The following ATP1A4 variants were observed in gnomAD, a reference collection of about 807,000 sequenced individuals.
ATP1A4 encodes the protein sodium/potassium-transporting ATPase subunit alpha-4.
Under a neutral mutation model 114.3 loss-of-function variants are expected in ATP1A4, and 90 were observed. The ratio of observed to expected loss-of-function variants is 0.79; its 90% CI spans 0.66 to 0.94. The LOEUF (loss-of-function observed/expected upper bound fraction) is 0.94, where lower values mean the gene tolerates loss of function less well. Among genes scored for constraint, ATP1A4 ranks in the 40% least tolerant of loss-of-function variants. The pLI is 0.00. For synonymous variants in ATP1A4, 511 were observed against 494.1 expected, an observed-to-expected ratio of 1.03 and a Z score of -0.45; for missense variants, 1,222 against 1,313.6, an observed-to-expected ratio of 0.93 and a Z score of 1.08.
chr1:160,171,101 C>T, intron 10 of ATP1A4, 150 bp from the exon 11 acceptor site: 5 of 664,238 alleles, frequency 7.5e-6, no homozygotes, highest in Non-Finnish European at 1.3e-5. Context: ...CTGGGTTCAA[C>T]CTGGGGCGAG....
intron 18 of ATP1A4, among the ~76,000 whole-genome samples, chr1:160,181,375 A>C (rs1387914906): frequency 6.6e-6 from 1 of 152,002 alleles, no homozygotes; most frequent in East Asian, 1.9e-4. Context: ...CAATATGGTG[A>C]AACCCCGTCT....
chr1:160,157,986 T>G (rs1652727343), intron 4 of ATP1A4, among the ~76,000 whole-genome samples: 1 of 152,220 alleles, frequency 6.6e-6, no homozygotes, highest in Non-Finnish European at 1.5e-5. Flanking sequence ...GTTCCAGTAG[T>G]ATAGCCCAGG....
At position 160,173,026 on chromosome 1, in the gene ATP1A4, T is replaced by C. The variant is rs115003188; in HGVS notation, c.1855-555T>C. 2.9e-3 allele frequency among the ~76,000 whole-genome samples: 444 copies of C among 152,278 alleles called. 2 individuals carry two copies. The highest frequency in any genetic ancestry group is 9.9e-3 in the African/African-American group (411 of 41,540). On this transcript the variant is annotated intron_variant, in intron 12 of 21. Transcript: ENST00000368081. ...GAGAAGTGTGGCAAGTGCTGAAATA[T>C]GGCAGGAACGGAATGCTGTGAAAGC...
intron 20 of ATP1A4, among the ~76,000 whole-genome samples, chr1:160,184,421 C>T (rs1462803491): frequency 6.6e-6 from 1 of 152,044 alleles, no homozygotes; most frequent in Non-Finnish European, 1.5e-5. Context: ...GCGGTGCACA[C>T]TGACGGTCCC....
intron 18 of ATP1A4, 130 bp downstream of exon 18, chr1:160,177,794 A>C (rs903163950): frequency 9.8e-7 from 1 of 1,016,464 alleles, no homozygotes; most frequent in Non-Finnish European, 1.4e-6. Context: ...CCTTTTCTTC[A>C]GTCCTGTATG....
In ATP1A4 at chr1:160,152,044, G is replaced by A; in HGVS notation, c.4G>A (p.Gly2Arg). M[G>R]LWGKKGTVAP... Reference sequence around the variant, plus strand: ...GCAGCTCTTTCTGGGGATAGCTATGGGGCTTTGGGGGAAGAAAGGGACAGT... The same window carrying A: ...GCAGCTCTTTCTGGGGATAGCTATGAGGCTTTGGGGGAAGAAAGGGACAGT... The change falls in exon 1 of 22, where the codon GGG becomes AGG. Residue 2 changes from glycine (G) to arginine (R), a missense_variant. Transcript: ENST00000368081. 1 of 1,612,694 alleles carries A rather than the reference G, an allele frequency of 6.2e-7. No individual in the cohort carries two copies. The highest frequency in any genetic ancestry group is 8.5e-7 in the Non-Finnish European group (1 of 1,179,480).
Position 160,159,254 on chromosome 1 carries a change from G to A in ATP1A4, c.660+118G>A. ...CTCAGAATCTTGAGAAGTTACAAGT[G>A]CAGATTTGATGTTAGAGACAACAGA... On this transcript the variant is annotated intron_variant, in intron 5 of 21. Transcript: ENST00000368081. 2.8e-6 allele frequency: 4 copies of A among 1,452,320 alleles called. No homozygotes were observed. The South Asian group carries it at 5.3e-5, about 19-fold the overall frequency. 90.0% of individuals were successfully genotyped at this position (1,452,320 alleles called of 1,614,324 possible).
Position 160,181,765 on chromosome 1 carries a change from C to T in ATP1A4, c.2818C>T (p.Leu940Phe). 1.9e-6 allele frequency: 3 copies of T among 1,613,954 alleles called. No homozygotes were observed. Among genetic ancestry groups the T allele is most frequent in the Non-Finnish European group, 2.5e-6 (3 of 1,179,992 alleles). Reference protein sequence around the residue: ...VTIVVVQWADLIISKTRRNSL... With the variant: ...VTIVVVQWADFIISKTRRNSL... ...CATCGTGGTTGTGCAGTGGGCGGAT[C>T]TCATCATCTCCAAGACTCGCCGCAA... The change falls in exon 19 of 22, where the codon CTC becomes TTC. Residue 940 changes from leucine (L) to phenylalanine (F), a missense_variant. By Grantham distance (22) the Leu-to-Phe change is conservative. Coordinates refer to ENST00000368081, the MANE Select transcript of ATP1A4 (RefSeq NM_144699.4).
chr1:160,161,382 T>A (rs1054902063), intron 6 of ATP1A4, among the ~76,000 whole-genome samples: 4 of 152,214 alleles, frequency 2.6e-5, no homozygotes, highest in Non-Finnish European at 5.9e-5. Flanking sequence ...GAGCCCAAGC[T>A]ATTTCTCTGG....
chr1:160,174,646 G>C lies in ATP1A4; in HGVS notation c.2210G>C (p.Gly737Ala), dbSNP rs773006756. 1.7e-5 allele frequency: 27 copies of C among 1,614,086 alleles called. No individual in the cohort carries two copies. Among genetic ancestry groups the C allele is most frequent in the Non-Finnish European group, 2.3e-5 (27 of 1,180,048 alleles). The change falls in exon 15 of 22, where the codon GGC (glycine) becomes GCC (alanine). Residue 737 changes from glycine (G) to alanine (A), a missense_variant. Transcript: ENST00000368081. The part of the protein sequence containing the change: ...DSPALKKADI[G>A]IAMGISGSDV... ...CCTGCGCTGAAGAAGGCTGACATTGGCATTGCCATGGGCATCTCTGGCTCT... is the reference window on the plus strand; with the variant it reads ...CCTGCGCTGAAGAAGGCTGACATTGCCATTGCCATGGGCATCTCTGGCTCT...
chr1:160,160,729 C>T (rs1652838696), intron 6 of ATP1A4, among the ~76,000 whole-genome samples: 1 of 152,002 alleles, frequency 6.6e-6, no homozygotes, highest in Admixed American at 6.6e-5. Context: ...ATCTCGTGCT[C>T]CTTCCACAGA....
intron 10 of ATP1A4, among the ~76,000 whole-genome samples, chr1:160,168,519 A>T (rs1653124284): frequency 6.6e-6 from 1 of 150,616 alleles, no homozygotes; most frequent in Non-Finnish European, 1.5e-5. Flanking sequence ...AATAGCTGGG[A>T]TTACAGGCAT....
intron 8 of ATP1A4, 111 bp downstream of exon 8, chr1:160,166,837 G>A: frequency 6.6e-7 from 1 of 1,512,774 alleles, no homozygotes; most frequent in Middle Eastern, 1.7e-4. Context: ...AAAGTGGAGT[G>A]GAGAAGAGGG....
intron 6 of ATP1A4, among the ~76,000 whole-genome samples, chr1:160,159,734 G>C (rs776429285): frequency 8.5e-5 from 13 of 152,314 alleles, no homozygotes; most frequent in Non-Finnish European, 1.5e-4. Flanking sequence ...TTACTCTGTA[G>C]ATTTTCGTGT....
In ATP1A4 at chr1:160,180,217, C is replaced by T. The variant is rs551671864; in HGVS notation, c.2737-1467C>T. 2.0e-3 allele frequency among the ~76,000 whole-genome samples: 299 copies of T among 152,306 alleles called. 2 individuals are homozygous for T. The highest frequency in any genetic ancestry group is 6.0e-3 in the African/African-American group (250 of 41,548). On this transcript the variant is annotated intron_variant, in intron 18 of 21. Transcript: ENST00000368081. The stretch of plus-strand genomic sequence containing the variant: ...TTGGTCTTATTCTAAGTTCCATGCT[C>T]GGCTCATCAATTTCCAGCCTTTGTG...
intron 6 of ATP1A4, among the ~76,000 whole-genome samples, chr1:160,162,568 C>T (rs747715523): frequency 6.6e-5 from 10 of 152,136 alleles, no homozygotes; most frequent in Non-Finnish European, 1.2e-4. Context: ...CTTTGTTGTG[C>T]GGGACAGGAG....
intron 10 of ATP1A4, among the ~76,000 whole-genome samples, chr1:160,167,985 C>T (rs1490447679): frequency 1.3e-5 from 2 of 152,170 alleles, no homozygotes; most frequent in East Asian, 3.8e-4. Flanking sequence ...TAGATTAGGG[C>T]CTCCCCTACT....
At position 160,167,374 on chromosome 1, in the gene ATP1A4, G is replaced by T. The variant is rs1044989475; in HGVS notation, c.1453G>T (p.Val485Leu). 4.3e-6 allele frequency: 7 copies of T among 1,612,296 alleles called. No individual in the cohort carries two copies. In the African/African-American group the frequency reaches 8.0e-5, roughly 18 times the overall value. ...VAEMREKNPK[V>L]AEIPFNSTNK... is the part of the protein sequence containing the mutation. Reference sequence around the variant, plus strand: ...GGAGATGAGAGAGAAAAACCCCAAGGTGGCAGAGATTCCCTTTAATTCTAC... The same window carrying T: ...GGAGATGAGAGAGAAAAACCCCAAGTTGGCAGAGATTCCCTTTAATTCTAC... The change falls in exon 10 of 22, where the codon GTG becomes TTG. Residue 485 changes from valine to leucine, a missense_variant. Val to Leu is a conservative substitution (Grantham distance 32). Transcript: ENST00000368081.
intron 11 of ATP1A4, 24 bp downstream of exon 11, chr1:160,171,464 T>G: frequency 6.2e-7 from 1 of 1,610,294 alleles, no homozygotes; most frequent in Admixed American, 1.7e-5. Context: ...GGAGAAGTTT[T>G]TAAAAGAATG....
Sources: gnomAD v4.1 joint callset for allele counts (sites outside exome capture counted in the v4.1 genomes callset) on GRCh38, gnomAD v4.1.1 for gene constraint, MANE v1.5 for transcripts, NCBI Gene and HGNC (gene_info 2026-07-23, HGNC 2026-07-21) for gene names.